Variants in ATF7IP observed in about 807,000 individuals in gnomAD.
The protein encoded by ATF7IP is activating transcription factor 7 interacting protein.
In ATF7IP, 23 loss-of-function variants were observed where a neutral mutation model predicts 106.4. The ratio of observed to expected loss-of-function variants is 0.22; its 90% CI spans 0.16 to 0.31. The LOEUF is 0.31. Among genes scored for constraint, ATF7IP ranks in the 10% least tolerant of loss-of-function variants. ATF7IP has a pLI of 1.00. For synonymous variants in ATF7IP, 542 were observed against 539.0 expected (o/e 1.01, Z -0.08); for missense variants, 1,334 against 1,524.3 (o/e 0.88, Z 2.08).
Position 14,481,121 on chromosome 12 carries a change from T to C in ATF7IP, c.3216T>C (p.Ala1072=), listed in dbSNP as rs2136812319. 6.2e-7 allele frequency: 1 copy of C among 1,614,068 alleles called. No individual in the cohort carries two copies. Among genetic ancestry groups the C allele is most frequent in the Non-Finnish European group, 8.5e-7 (1 of 1,179,962 alleles). The part of the protein sequence containing the change: ...VVYTTLPAPP[A]QAPLRGTVMQ... ...ATACAACTCTTCCTGCACCACCAGC[T>C]CAGGCTCCCTTGCGAGGAACTGTTA... is the stretch of plus-strand genomic sequence containing the variant. The change falls in exon 13 of 15, where the codon GCT becomes GCC. Residue 1072 remains alanine, a synonymous_variant. Transcript: ENST00000261168.
At chr12:14,383,030 A>G (rs1421077655) in intron 1 of ATF7IP, among the ~76,000 whole-genome samples, 3 of 152,182 alleles carry the variant, frequency 2.0e-5, no homozygotes, top group Non-Finnish European at 4.4e-5. Context: ...ATAACAGCCT[A>G]ATTATTTTCC....
intron 1 of ATF7IP, among the ~76,000 whole-genome samples, chr12:14,407,892 T>C (rs1351916897): frequency 2.0e-5 from 3 of 152,166 alleles, no homozygotes; most frequent in Admixed American, 1.3e-4. Flanking sequence ...TGAAGTCTGC[T>C]TTGGTAAGTT....
At position 14,460,579 on chromosome 12, in the gene ATF7IP, C is replaced by A. The variant is rs367726461; in HGVS notation, c.2243C>A (p.Thr748Lys). 1 of 1,614,182 alleles carries A rather than the reference C, an allele frequency of 6.2e-7. No individual in the cohort carries two copies. The highest frequency in any genetic ancestry group is 8.5e-7 in the Non-Finnish European group (1 of 1,180,018). ...LQTPVTSGSL[T>K]ATSVLPAPNT... ...ACTCCAGTGACTTCGGGTTCCCTCACAGCAACGTCAGTTCTTCCTGCACCC... is the reference window on the plus strand; with the variant it reads ...ACTCCAGTGACTTCGGGTTCCCTCAAAGCAACGTCAGTTCTTCCTGCACCC... The change falls in exon 9 of 15, where the codon ACA becomes AAA. Residue 748 changes from threonine to lysine, a missense_variant. Transcript: ENST00000261168.
In ATF7IP at chr12:14,425,427, A is replaced by C; in HGVS notation, c.1512A>C (p.Glu504Asp). ...VLSDEEDISGEKDESEVISQN... is the reference protein window; with the variant it reads ...VLSDEEDISGDKDESEVISQN... ...CTGATGAAGAGGATATTTCGGGTGAAAAAGATGAGTCTGAAGTTATATCGC... is the reference window on the plus strand; with the variant it reads ...CTGATGAAGAGGATATTTCGGGTGACAAAGATGAGTCTGAAGTTATATCGC... Residue 504 changes from glutamate (E) to aspartate (D), a missense_variant, in exon 2 of 15, where the codon GAA becomes GAC. Physicochemically the swap from Glu to Asp is conservative, Grantham distance 45. Transcript: ENST00000261168. 1 of 1,595,310 alleles carries C rather than the reference A, an allele frequency of 6.3e-7. No individual in the cohort carries two copies. Among genetic ancestry groups the C allele is most frequent in the South Asian group, 1.1e-5 (1 of 87,500 alleles).
intron 13 of ATF7IP, among the ~76,000 whole-genome samples, chr12:14,484,712 G>T (rs190001551): frequency 3.2e-4 from 48 of 152,314 alleles, no homozygotes; most frequent in Non-Finnish European, 5.4e-4. Context: ...CTGGGGAAGA[G>T]AACGCAGCGT....
Position 14,479,030 on chromosome 12 carries a change from G to A in ATF7IP, c.3097+558G>A, listed in dbSNP as rs1004409829. Among the ~76,000 whole-genome samples, 9 of 152,258 alleles carry A rather than the reference G, an allele frequency of 5.9e-5. 1 individual carries two copies. The South Asian group carries it at 1.2e-3, about 21-fold the overall frequency. ...GTTCACCTAATATCTATAAAACTCT[G>A]GTGATTACTAATGCATGTGGAAAAT... On this transcript the variant is annotated intron_variant, in intron 12 of 14. Coordinates refer to ENST00000261168, the MANE Select transcript of ATF7IP (RefSeq NM_018179.5).
At chr12:14,412,306 G>T in intron 1 of ATF7IP, among the ~76,000 whole-genome samples, 1 of 152,296 alleles carries the variant, frequency 6.6e-6, no homozygotes. Context: ...CAGCTTACCA[G>T]TGTCTGCAAA....
chr12:14,453,782 G>T (rs1943303289), intron 6 of ATF7IP, among the ~76,000 whole-genome samples: 1 of 151,868 alleles, frequency 6.6e-6, no homozygotes, highest in Non-Finnish European at 1.5e-5. Flanking sequence ...CCACCATCAC[G>T]CTCGGCTAAT....
intron 5 of ATF7IP, among the ~76,000 whole-genome samples, chr12:14,440,640 A>G (rs1942651841): frequency 1.3e-5 from 2 of 152,162 alleles, no homozygotes; most frequent in African/African-American, 2.4e-5. Flanking sequence ...TCAGATACCA[A>G]ACTGTTTTAA....
Position 14,499,257 on chromosome 12 carries a change from C to T in ATF7IP, c.*1184C>T, listed in dbSNP as rs1945100394. The T allele has an allele frequency of 6.6e-6, 1 of 152,244 alleles. No individual in the cohort carries two copies. The highest frequency in any genetic ancestry group is 1.5e-5 in the Non-Finnish European group (1 of 68,040). The allele number at this position is 152,244 out of a possible 1,614,324, so 9.4% of individuals were successfully genotyped here. ...TAGCCGGGCATGGTGGCGACAATCA[C>T]ATTTAACTCCAAAAATTTGACGTGC... is the stretch of plus-strand genomic sequence containing the variant. On this transcript the variant is annotated 3_prime_UTR_variant, in exon 15 of 15. Transcript: ENST00000261168.
chr12:14,437,631 T>C (rs560519639), intron 4 of ATF7IP, among the ~76,000 whole-genome samples: 1 of 152,342 alleles, frequency 6.6e-6, no homozygotes, highest in African/African-American at 2.4e-5. Flanking sequence ...ATTTTTAGTA[T>C]GTATTACCCT....
At chr12:14,453,255 T>G (rs1943277705) in intron 6 of ATF7IP, among the ~76,000 whole-genome samples, 2 of 152,214 alleles carry the variant, frequency 1.3e-5, no homozygotes, top group Admixed American at 1.3e-4. Context: ...TTCTTCCAGT[T>G]TCAGACATTT....
chr12:14,453,602 CTCTT>C (rs1476872070), intron 6 of ATF7IP, among the ~76,000 whole-genome samples: 1 of 151,286 alleles, frequency 6.6e-6, no homozygotes, highest in Admixed American at 6.6e-5. Context: ...TTTCTGTCGT[CTCTT>C]TCACTTTCAC....
intron 1 of ATF7IP, among the ~76,000 whole-genome samples, chr12:14,395,926 TTTG>T (rs1309244613): frequency 6.6e-6 from 1 of 151,878 alleles, no homozygotes; most frequent in Non-Finnish European, 1.5e-5. Context: ...AACACAGTCA[TTTG>T]TTATTATTTT....
At chr12:14,491,186 T>G (rs1944808707) in intron 13 of ATF7IP, among the ~76,000 whole-genome samples, 1 of 152,172 alleles carries the variant, frequency 6.6e-6, no homozygotes, top group Non-Finnish European at 1.5e-5. Flanking sequence ...CTGCAGAGCC[T>G]TCTCCTGTTC....
chr12:14,436,295 C>A, intron 4 of ATF7IP, 44 bp downstream of exon 4: 1 of 1,519,746 alleles, frequency 6.6e-7, no homozygotes, highest in Non-Finnish European at 9.0e-7. Context: ...GAATAAATAG[C>A]ACCACTATCT....
At chr12:14,369,302 C>G (rs1280992440) in intron 1 of ATF7IP, 1 of 151,972 alleles carries the variant, frequency 6.6e-6, no homozygotes, top group African/African-American at 2.4e-5. Context: ...CTTGTCTGCC[C>G]AGAAAATATT....
chr12:14,494,242 C>T (rs1280074201), intron 13 of ATF7IP, among the ~76,000 whole-genome samples: 5 of 130,708 alleles, frequency 3.8e-5, no homozygotes, highest in Non-Finnish European at 6.3e-5. Context: ...TTCCTGGTAC[C>T]AAAATCTGAA....
chr12:14,420,634 GA>G (rs55747860), intron 1 of ATF7IP, among the ~76,000 whole-genome samples: 79,091 of 150,446 alleles, frequency 0.53, 21,251 homozygotes, highest in African/African-American at 0.65. Flanking sequence ...GTCTCAAAAA[GA>G]AAAAAAAAAT....
Sources: gnomAD v4.1 joint callset for allele counts (sites outside exome capture counted in the v4.1 genomes callset) on GRCh38, gnomAD v4.1.1 for gene constraint, MANE v1.5 for transcripts, NCBI Gene and HGNC (gene_info 2026-07-23, HGNC 2026-07-21) for gene names.